SENP6: variants seen among roughly 807,000 people sequenced by gnomAD.
The protein encoded by SENP6 is sentrin-specific protease 6.
In SENP6, 41 loss-of-function variants were observed where a neutral mutation model predicts 134.5. The observed-to-expected ratio is 0.30, with a 90% CI of 0.24 to 0.40. SENP6 has a LOEUF of 0.40. SENP6 is among the 10% of genes least tolerant of loss of function. SENP6 has a pLI of 1.00. For synonymous variants in SENP6, 395 were observed against 429.8 expected (o/e 0.92, Z 1.00); for missense variants, 1,248 against 1,312.5 (o/e 0.95, Z 0.76).
chr6:75,646,218 A>G (rs1582754862), intron 6 of SENP6, among the ~76,000 whole-genome samples: 2 of 152,322 alleles, frequency 1.3e-5, no homozygotes, highest in East Asian at 1.9e-4. Context: ...CTTCTTTCTT[A>G]TAAGACTGTT....
chr6:75,615,963 C>A (rs538655267), intron 1 of SENP6, among the ~76,000 whole-genome samples: 3 of 152,214 alleles, frequency 2.0e-5, no homozygotes, highest in African/African-American at 4.8e-5. Flanking sequence ...TTTTTGCTTT[C>A]TTTGGTCAAC....
rs146736382 is a variant in SENP6 at position 75,702,456 on chromosome 6, G to A, written c.2289-189G>A. Among the ~76,000 whole-genome samples, 1,607 of 151,990 alleles carry A rather than the reference G, an allele frequency of 0.011. 59 individuals carry two copies. The East Asian group carries it at 0.14, about 13-fold the overall frequency. On this transcript the variant is annotated intron_variant, in intron 18 of 23. Transcript: ENST00000447266. ...TGGTCTCGAACTGCTGACCTCAGGT[G>A]ATCCACCCACCTCAGCCTCCCAAAG...
chr6:75,713,410 T>C (rs1775864582), intron 21 of SENP6, 103 bp from the exon 22 acceptor site: 1 of 960,674 alleles, frequency 1.0e-6, no homozygotes, highest in African/African-American at 1.6e-5. Context: ...AAAGGGGATT[T>C]TGAAGGTTTT....
intron 16 of SENP6, among the ~76,000 whole-genome samples, chr6:75,689,764 A>G (rs749574889): frequency 6.6e-6 from 1 of 152,182 alleles, no homozygotes; most frequent in African/African-American, 2.4e-5. Context: ...GCAGTAGGTT[A>G]TACCATATAG....
chr6:75,608,384 C>T (rs917102799), intron 1 of SENP6, among the ~76,000 whole-genome samples: 1 of 151,902 alleles, frequency 6.6e-6, no homozygotes, highest in African/African-American at 2.4e-5. Flanking sequence ...TTGCTTGTTG[C>T]TCGAGCCCAG....
intron 16 of SENP6, among the ~76,000 whole-genome samples, chr6:75,684,207 A>T (rs373092067): frequency 2.0e-5 from 3 of 151,926 alleles, no homozygotes; most frequent in Non-Finnish European, 2.9e-5. Flanking sequence ...TTATCTGTTA[A>T]TGGTGTATAG....
At chr6:75,659,492 C>CT in intron 8 of SENP6, 85 bp downstream of exon 8, 1 of 1,280,846 alleles carries the variant, frequency 7.8e-7, no homozygotes, top group Non-Finnish European at 1.1e-6. Flanking sequence ...TCTAGGTGAT[C>CT]TTTTATCATA....
chr6:75,660,056 C>T (rs1038472672), intron 8 of SENP6, among the ~76,000 whole-genome samples: 1 of 152,180 alleles, frequency 6.6e-6, no homozygotes, highest in African/African-American at 2.4e-5. Flanking sequence ...TGAATTGCTG[C>T]GAATCTTTAG....
At chr6:75,641,158 T>G (rs931826781) in intron 6 of SENP6, among the ~76,000 whole-genome samples, 5 of 152,182 alleles carry the variant, frequency 3.3e-5, no homozygotes, top group Admixed American at 1.3e-4. Flanking sequence ...AGTTCTACTC[T>G]CTATAATAAA....
Position 75,659,358 on chromosome 6 carries a change from C to T in SENP6, c.647C>T (p.Pro216Leu). The change falls in exon 8 of 24, where the codon CCT (proline) becomes CTT (leucine). Residue 216 changes from proline to leucine, a missense_variant. Physicochemically the swap from Pro to Leu is moderately conservative, Grantham distance 98. Coordinates refer to ENST00000447266, the MANE Select transcript of SENP6 (RefSeq NM_015571.4). ...AAACGACACTGTAGTACCTATCAGCCTACTCCTCCTCTATCTCCTGCTTCA... is the reference window on the plus strand; with the variant it reads ...AAACGACACTGTAGTACCTATCAGCTTACTCCTCCTCTATCTCCTGCTTCA... ...QQKRHCSTYQ[P>L]TPPLSPASKK... is the part of the protein sequence containing the mutation. 4 of 1,611,270 alleles carry T rather than the reference C, an allele frequency of 2.5e-6. No homozygotes were observed. Among genetic ancestry groups the T allele is most frequent in the Non-Finnish European group, 2.5e-6 (3 of 1,177,902 alleles).
rs569619976 is a variant in SENP6 at position 75,627,498 on chromosome 6, T to C, written c.207+3538T>C. On this transcript the variant is annotated intron_variant, in intron 3 of 23. Coordinates refer to ENST00000447266, the MANE Select transcript of SENP6 (RefSeq NM_015571.4). ...ATAAGATGTGAGCAGGCACGGTGTCTTTTGCCTGTAATCCCAGCACCTTGG... is the reference window on the plus strand; with the variant it reads ...ATAAGATGTGAGCAGGCACGGTGTCCTTTGCCTGTAATCCCAGCACCTTGG... 2.6e-3 allele frequency among the ~76,000 whole-genome samples: 391 copies of C among 152,212 alleles called. 5 individuals are homozygous for C. Among genetic ancestry groups the C allele is most frequent in the Non-Finnish European group, 4.1e-3 (281 of 68,006 alleles).
intron 16 of SENP6, among the ~76,000 whole-genome samples, chr6:75,685,232 T>C (rs1410626379): frequency 6.6e-6 from 1 of 152,236 alleles, no homozygotes; most frequent in Non-Finnish European, 1.5e-5. Context: ...GTGGGATCAG[T>C]GGTGATATCC....
chr6:75,625,278 AT>A (rs954581647), intron 3 of SENP6, among the ~76,000 whole-genome samples: 3 of 148,794 alleles, frequency 2.0e-5, no homozygotes, highest in Admixed American at 6.7e-5. Context: ...TGCCTGGCTA[AT>A]TTTTTTTTTA....
chr6:75,663,974 T>C (rs907253928), intron 9 of SENP6, among the ~76,000 whole-genome samples: 3 of 152,116 alleles, frequency 2.0e-5, no homozygotes, highest in Admixed American at 6.6e-5. Context: ...TTATAATAAA[T>C]AGCAAAAGAT....
rs1775734898 is a variant in SENP6 at position 75,711,387 on chromosome 6, G to A, written c.2880G>A (p.Gln960=). 2 of 1,612,846 alleles carry A rather than the reference G, an allele frequency of 1.2e-6. No individual in the cohort carries two copies. The highest frequency in any genetic ancestry group is 2.7e-5 in the African/African-American group (2 of 74,914). The change falls in exon 21 of 24, where the codon CAG becomes CAA. Residue 960 remains glutamine, a synonymous_variant. Transcript: ENST00000447266. The part of the protein sequence containing the change: ...ADDNCSSEIG[Q]WHLKPTICKQ... ...ACAACTGCAGTTCAGAAATAGGACAGTGGCATTTAAAGCCTACTATCTGTA... is the reference window on the plus strand; with the variant it reads ...ACAACTGCAGTTCAGAAATAGGACAATGGCATTTAAAGCCTACTATCTGTA...
At chr6:75,654,393 T>C (rs1771155609) in intron 7 of SENP6, among the ~76,000 whole-genome samples, 1 of 152,170 alleles carries the variant, frequency 6.6e-6, no homozygotes, top group Non-Finnish European at 1.5e-5. Flanking sequence ...ATGTATTTGA[T>C]TGGAGAATGG....
At chr6:75,638,463 G>A (rs975076604) in intron 5 of SENP6, among the ~76,000 whole-genome samples, 3 of 148,564 alleles carry the variant, frequency 2.0e-5, no homozygotes, top group Non-Finnish European at 4.5e-5. Flanking sequence ...GTACCTGTAA[G>A]AATACCATGA....
chr6:75,704,664 G>A (rs1775267934), intron 19 of SENP6, among the ~76,000 whole-genome samples: 1 of 152,220 alleles, frequency 6.6e-6, no homozygotes, highest in African/African-American at 2.4e-5. Context: ...CTTCACGGGT[G>A]TTGGGCTGGG....
chr6:75,602,708 A>T (rs950722513), intron 1 of SENP6, 132 bp downstream of exon 1: 220 of 928,124 alleles, frequency 2.4e-4, no homozygotes, highest in Admixed American at 7.9e-4. Context: ...ATGAGCGATG[A>T]CGGGGAGGGA....
Sources: gnomAD v4.1 joint callset for allele counts (sites outside exome capture counted in the v4.1 genomes callset) on GRCh38, gnomAD v4.1.1 for gene constraint, MANE v1.5 for transcripts, NCBI Gene and HGNC (gene_info 2026-07-23, HGNC 2026-07-21) for gene names.